RABGAP1L: variants seen among roughly 807,000 people sequenced by gnomAD.
RABGAP1L encodes RAB GTPase activating protein 1 like, also known as rab GTPase-activating protein 1-like.
RABGAP1L carries 63 observed loss-of-function variants against 137.7 expected under a neutral mutation model. That is an observed-to-expected ratio of 0.46 (90% CI 0.37 to 0.56). The LOEUF is 0.56. RABGAP1L is among the 20% of genes least tolerant of loss of function. The probability of loss-of-function intolerance (pLI) is 0.00; values close to 1 mark genes in which losing one functional copy is unlikely to be tolerated. For synonymous variants in RABGAP1L, 431 were observed against 433.7 expected, an observed-to-expected ratio of 0.99 and a Z score of 0.08; for missense variants, 1,095 against 1,244.0, an observed-to-expected ratio of 0.88 and a Z score of 1.80.
intron 1 of RABGAP1L, among the ~76,000 whole-genome samples, chr1:174,165,627 G>A (rs1367575119): frequency 2.0e-5 from 3 of 151,940 alleles, no homozygotes; most frequent in Non-Finnish European, 2.9e-5. Context: ...GCCCCCAAGT[G>A]GCTGGGACTA....
At chr1:174,960,463 A>G (rs6670315) in intron 20 of RABGAP1L, among the ~76,000 whole-genome samples, 56,218 of 152,006 alleles carry the variant, frequency 0.37, 13,556 homozygotes, top group African/African-American at 0.69. Context: ...TTAAATCTCA[A>G]CCACAAAGAG....
chr1:174,164,782 C>G (rs1488588284), intron 1 of RABGAP1L, among the ~76,000 whole-genome samples: 1 of 152,192 alleles, frequency 6.6e-6, no homozygotes, highest in Admixed American at 6.5e-5. Flanking sequence ...TAATTTTACA[C>G]CCAGCTAATG....
At chr1:174,274,093 CA>C (rs1307775640) in intron 8 of RABGAP1L, among the ~76,000 whole-genome samples, 1 of 152,062 alleles carries the variant, frequency 6.6e-6, no homozygotes, top group Non-Finnish European at 1.5e-5. Flanking sequence ...CTGGTTATTA[CA>C]AAGTTATTTT....
chr1:174,963,562 A>G (rs1166150459), intron 20 of RABGAP1L, among the ~76,000 whole-genome samples: 1 of 151,834 alleles, frequency 6.6e-6, no homozygotes, highest in Non-Finnish European at 1.5e-5. Context: ...CTGTTTAAGT[A>G]TTACTGAGAA....
intron 15 of RABGAP1L, among the ~76,000 whole-genome samples, chr1:174,694,001 C>A (rs1183481359): frequency 6.6e-6 from 1 of 151,988 alleles, no homozygotes; most frequent in African/African-American, 2.4e-5. Flanking sequence ...ACATTAATAA[C>A]AGTGTAACAA....
At chr1:174,255,392 A>G (rs1388688275) in intron 7 of RABGAP1L, among the ~76,000 whole-genome samples, 1 of 152,262 alleles carries the variant, frequency 6.6e-6, no homozygotes, top group Admixed American at 6.5e-5. Flanking sequence ...TCAAACTTAC[A>G]GAAGAGTTAA....
intron 19 of RABGAP1L, among the ~76,000 whole-genome samples, chr1:174,851,737 T>C (rs1648391855): frequency 6.6e-6 from 1 of 151,810 alleles, no homozygotes; most frequent in South Asian, 2.1e-4. Context: ...CCCAGGCTGG[T>C]CTCGAACTCC....
At chr1:174,741,925 G>A (rs1683447863) in intron 17 of RABGAP1L, among the ~76,000 whole-genome samples, 1 of 147,716 alleles carries the variant, frequency 6.8e-6, no homozygotes, top group African/African-American at 2.5e-5. Context: ...TATAGACCCA[G>A]CTACTTGGGA....
chr1:174,639,108 G>T (rs751282941), intron 14 of RABGAP1L, among the ~76,000 whole-genome samples: 13 of 150,384 alleles, frequency 8.6e-5, no homozygotes, highest in Non-Finnish European at 1.6e-4. Flanking sequence ...CAAATGGCAC[G>T]ACTTTCATTA....
chr1:174,516,712 G>A (rs1662891391), intron 13 of RABGAP1L, among the ~76,000 whole-genome samples: 2 of 152,104 alleles, frequency 1.3e-5, no homozygotes, highest in South Asian at 2.1e-4. Context: ...AAACAAGTGT[G>A]TTATAATTAG....
chr1:174,890,890 G>A (rs1656027937), intron 19 of RABGAP1L, among the ~76,000 whole-genome samples: 1 of 152,144 alleles, frequency 6.6e-6, no homozygotes, highest in African/African-American at 2.4e-5. Flanking sequence ...CCCACTCTGT[G>A]AGTGTGTAGG....
intron 17 of RABGAP1L, among the ~76,000 whole-genome samples, chr1:174,732,509 C>T (rs990538830): frequency 1.3e-5 from 2 of 151,826 alleles, no homozygotes; most frequent in African/African-American, 2.4e-5. Flanking sequence ...GGTGAACAAA[C>T]GAATTTAAAA....
intron 11 of RABGAP1L, among the ~76,000 whole-genome samples, chr1:174,319,853 G>C (rs1021272342): frequency 6.6e-6 from 1 of 152,108 alleles, no homozygotes; most frequent in Non-Finnish European, 1.5e-5. Flanking sequence ...ATTTTTGAAT[G>C]TTCCTCTGCG....
intron 13 of RABGAP1L, among the ~76,000 whole-genome samples, chr1:174,633,099 G>A (rs1232886254): frequency 6.6e-6 from 1 of 151,894 alleles, no homozygotes; most frequent in Non-Finnish European, 1.5e-5. Flanking sequence ...AATTGTCCCT[G>A]TTTGCAGATG....
intron 10 of RABGAP1L, among the ~76,000 whole-genome samples, chr1:174,303,221 A>T (rs182103794): frequency 2.1e-3 from 325 of 152,124 alleles, no homozygotes; most frequent in Non-Finnish European, 3.2e-3. Context: ...TGAAAATAAC[A>T]GGTCTTGTAG....
At chr1:174,620,346 A>G (rs12062016) in intron 13 of RABGAP1L, among the ~76,000 whole-genome samples, 55,651 of 151,852 alleles carry the variant, frequency 0.37, 13,441 homozygotes, top group African/African-American at 0.69. Flanking sequence ...TTTCAGCACC[A>G]CACCACACCT....
At chr1:174,923,033 T>C (rs2149234915) in intron 19 of RABGAP1L, among the ~76,000 whole-genome samples, 1 of 151,970 alleles carries the variant, frequency 6.6e-6, no homozygotes, top group South Asian at 2.1e-4. Flanking sequence ...CAGCCAAGTA[T>C]GGTGGCACAT....
intron 13 of RABGAP1L, among the ~76,000 whole-genome samples, chr1:174,555,851 CTA>C (rs1414244849): frequency 6.6e-6 from 1 of 151,866 alleles, no homozygotes; most frequent in African/African-American, 2.4e-5. Flanking sequence ...GGAGAAGTGA[CTA>C]TGTCAGTTTG....
intron 1 of RABGAP1L, among the ~76,000 whole-genome samples, chr1:174,172,531 A>G (rs1665504221): frequency 6.6e-6 from 1 of 152,168 alleles, no homozygotes; most frequent in South Asian, 2.1e-4. Flanking sequence ...TTTTGATAAT[A>G]GCCATCCAAA....
Sources: gnomAD v4.1 joint callset for allele counts (sites outside exome capture counted in the v4.1 genomes callset) on GRCh38, gnomAD v4.1.1 for gene constraint, MANE v1.5 for transcripts, NCBI Gene and HGNC (gene_info 2026-07-23, HGNC 2026-07-21) for gene names.